Variants in CALN1 observed in about 807,000 individuals in gnomAD.
CALN1 encodes calcium-binding protein 8.
A neutral mutation model predicts 30.6 loss-of-function variants in CALN1; 17 were observed. The observed-to-expected ratio is 0.56, with a 90% confidence interval of 0.38 to 0.83. The LOEUF (loss-of-function observed/expected upper bound fraction) is 0.83, where lower values mean the gene tolerates loss of function less well. CALN1 is among the 40% of genes least tolerant of loss of function. The pLI, the probability that CALN1 is intolerant of heterozygous loss-of-function variation, is 0.00. For missense variants in CALN1, 291 were observed against 354.9 expected (o/e 0.82, Z 1.45); for synonymous variants, 156 against 131.4 (o/e 1.19, Z -1.28).
At chr7:72,313,260 C>T (rs181795634) in intron 2 of CALN1, among the ~76,000 whole-genome samples, 4 of 152,078 alleles carry the variant, frequency 2.6e-5, no homozygotes, top group East Asian at 1.9e-4. Flanking sequence ...ATAACAAAAA[C>T]GACATTTCTA....
chr7:71,940,688 C>A (rs1230549067), intron 5 of CALN1, among the ~76,000 whole-genome samples: 1 of 152,158 alleles, frequency 6.6e-6, no homozygotes, highest in Non-Finnish European at 1.5e-5. Flanking sequence ...ATTGCAACCT[C>A]CACCTCCAGG....
chr7:71,885,190 C>A (rs750924636), intron 5 of CALN1, among the ~76,000 whole-genome samples: 1 of 152,172 alleles, frequency 6.6e-6, no homozygotes, highest in Non-Finnish European at 1.5e-5. Flanking sequence ...CTTGCTCTGT[C>A]GCCCAGGCTG....
At chr7:72,153,048 G>C (rs1265412253) in intron 3 of CALN1, among the ~76,000 whole-genome samples, 1 of 152,144 alleles carries the variant, frequency 6.6e-6, no homozygotes, top group African/African-American at 2.4e-5. Context: ...GTTCACACTG[G>C]GCTCCCCCGG....
rs10950296 is a variant in CALN1 at position 72,106,451 on chromosome 7, G to T, written c.245-157C>A. Reference sequence around the variant, plus strand: ...TAAAAGGGAGGACAGAAGAAGAACAGAAGAAAAGAAACGAAGAAAAGAAAA... The same window carrying T: ...TAAAAGGGAGGACAGAAGAAGAACATAAGAAAAGAAACGAAGAAAAGAAAA... On this transcript the variant is annotated intron_variant, in intron 3 of 6. Transcript: ENST00000395275. 6.6e-6 allele frequency among the ~76,000 whole-genome samples: 1 copy of T among 150,590 alleles called. No homozygotes were observed. Among genetic ancestry groups the T allele is most frequent in the Non-Finnish European group, 1.5e-5 (1 of 67,842 alleles).
chr7:71,973,088 CATA>C lies in CALN1; in HGVS notation c.501+50566_501+50568del, dbSNP rs1797928875. Reference sequence around the variant, plus strand: ...CAGTTGATGGTCTCATTAACAGCAACATAAGTAGGTGCTCTCTATTTTTGAAAA... The same window carrying C: ...CAGTTGATGGTCTCATTAACAGCAACAGTAGGTGCTCTCTATTTTTGAAAA... On this transcript the variant is annotated intron_variant, in intron 5 of 6. Transcript: ENST00000395275. 2.0e-5 allele frequency among the ~76,000 whole-genome samples: 3 copies of C among 152,128 alleles called. No homozygotes were observed. The South Asian group carries it at 6.2e-4, about 32-fold the overall frequency.
At chr7:72,209,210 T>TTCCC (rs1792154030) in intron 3 of CALN1, among the ~76,000 whole-genome samples, 2 of 59,946 alleles carry the variant, frequency 3.3e-5, no homozygotes, top group African/African-American at 6.4e-5. Context: ...CCTTCCCTCC[T>TTCCC]TCCTTCCCTC....
chr7:72,428,131 T>C (rs1184977058), intron 1 of CALN1, among the ~76,000 whole-genome samples: 2 of 152,218 alleles, frequency 1.3e-5, no homozygotes, highest in East Asian at 1.9e-4. Flanking sequence ...TTTTCCATCA[T>C]AGCATTGATC....
chr7:72,337,053 C>T (rs1802110300), intron 2 of CALN1: 4 of 985,530 alleles, frequency 4.1e-6, no homozygotes, highest in African/African-American at 1.7e-5. Context: ...GCTCCTCTAC[C>T]CCTCCCGCTC....
intron 3 of CALN1, among the ~76,000 whole-genome samples, chr7:72,109,082 C>T (rs943352992): frequency 1.3e-5 from 2 of 152,120 alleles, no homozygotes; most frequent in African/African-American, 4.8e-5. Context: ...TAGTGTGTTC[C>T]CCGCCCACAT....
At chr7:72,071,759 G>A (rs1804409974) in intron 4 of CALN1, among the ~76,000 whole-genome samples, 1 of 152,040 alleles carries the variant, frequency 6.6e-6, no homozygotes. Context: ...TCCATTCAAA[G>A]GAAAAAATAA....
chr7:71,930,034 C>T (rs1410243056), intron 5 of CALN1, among the ~76,000 whole-genome samples: 1 of 152,122 alleles, frequency 6.6e-6, no homozygotes, highest in Non-Finnish European at 1.5e-5. Context: ...TTTAAATCAC[C>T]TCTAGATTAC....
chr7:72,306,002 G>GC (rs891787959), intron 2 of CALN1, among the ~76,000 whole-genome samples: 1 of 152,104 alleles, frequency 6.6e-6, no homozygotes, highest in African/African-American at 2.4e-5. Flanking sequence ...ATTACCTCCT[G>GC]AAGACTAAAG....
At chr7:71,967,411 T>C (rs148160535) in intron 5 of CALN1, among the ~76,000 whole-genome samples, 131 of 152,110 alleles carry the variant, frequency 8.6e-4, no homozygotes, top group African/African-American at 2.9e-3. Context: ...CAGGATGGCT[T>C]TAACTCAGGA....
chr7:72,157,598 G>A (rs1248124763), intron 3 of CALN1, among the ~76,000 whole-genome samples: 1 of 152,040 alleles, frequency 6.6e-6, no homozygotes, highest in East Asian at 1.9e-4. Context: ...GGGTATTTTT[G>A]AAAAACTGAA....
At chr7:72,299,606 CAAAG>C (rs1799109051) in intron 2 of CALN1, among the ~76,000 whole-genome samples, 1 of 146,064 alleles carries the variant, frequency 6.8e-6, no homozygotes, top group Admixed American at 6.8e-5. Context: ...ACTGGAAAGA[CAAAG>C]AATTAATAAA....
intron 2 of CALN1, among the ~76,000 whole-genome samples, chr7:72,338,325 G>T (rs1802195492): frequency 6.6e-6 from 1 of 152,230 alleles, no homozygotes; most frequent in Admixed American, 6.5e-5. Context: ...CCAGAGAAAA[G>T]ATACATGTGA....
intron 3 of CALN1, among the ~76,000 whole-genome samples, chr7:72,231,045 A>G (rs1794062771): frequency 6.6e-6 from 1 of 152,144 alleles, no homozygotes; most frequent in Admixed American, 6.5e-5. Flanking sequence ...GCCTAGCCAC[A>G]CTGTCTACAC....
intron 2 of CALN1, among the ~76,000 whole-genome samples, chr7:72,329,354 G>A (rs1801502082): frequency 6.6e-6 from 1 of 152,192 alleles, no homozygotes; most frequent in African/African-American, 2.4e-5. Context: ...GCTGGAGACA[G>A]GATGATCTTT....
At chr7:72,472,868 C>T in the CALN1 span, among the ~76,000 whole-genome samples, 7 of 152,200 alleles carry the variant, frequency 4.6e-5, no homozygotes, top group Non-Finnish European at 1.0e-4. Flanking sequence ...CACTTTATCC[C>T]GTGGACATTG....
Sources: allele counts gnomAD v4.1 joint callset (sites outside exome capture counted in the v4.1 genomes callset), GRCh38; gene constraint gnomAD v4.1.1; transcripts MANE v1.5; gene names NCBI Gene and HGNC (gene_info 2026-07-23, HGNC 2026-07-21).